ZNF804B: variants seen among roughly 807,000 people sequenced by gnomAD.
ZNF804B encodes the protein zinc finger 804B.
ZNF804B carries 80 observed loss-of-function variants against 101.4 expected under a neutral mutation model. The observed-to-expected ratio is 0.79, with a 90% CI of 0.66 to 0.95. The LOEUF (loss-of-function observed/expected upper bound fraction) is 0.95. ZNF804B is among the 40% of genes least tolerant of loss of function. The probability of loss-of-function intolerance (pLI) is 0.00; values close to 1 mark genes in which losing one functional copy is unlikely to be tolerated. For synonymous variants in ZNF804B, 622 were observed against 558.8 expected (o/e 1.11, Z -1.59); for missense variants, 1,673 against 1,561.9 (o/e 1.07, Z -1.20).
chr7:89,226,467 GTTA>G (rs993769983), intron 2 of ZNF804B, among the ~76,000 whole-genome samples: 5 of 151,938 alleles, frequency 3.3e-5, no homozygotes, highest in East Asian at 3.8e-4. Context: ...ATTCTTAAAA[GTTA>G]TTATTAGATA....
At chr7:88,846,333 C>A (rs560037327) in intron 1 of ZNF804B, among the ~76,000 whole-genome samples, 4 of 152,006 alleles carry the variant, frequency 2.6e-5, no homozygotes, top group Non-Finnish European at 5.9e-5. Context: ...AAAGAATATT[C>A]ATGAAAAAAC....
intron 1 of ZNF804B, among the ~76,000 whole-genome samples, chr7:89,192,273 T>G (rs1788467741): frequency 6.6e-6 from 1 of 151,952 alleles, no homozygotes; most frequent in Non-Finnish European, 1.5e-5. Flanking sequence ...CTTCTCTCTT[T>G]TCACCCCCTT....
intron 1 of ZNF804B, among the ~76,000 whole-genome samples, chr7:88,951,399 C>T (rs932140961): frequency 2.0e-5 from 3 of 151,596 alleles, no homozygotes; most frequent in African/African-American, 7.3e-5. Context: ...TGAATCTTAC[C>T]TGTTACCTGT....
At chr7:88,972,166 A>G (rs1562847769) in intron 1 of ZNF804B, among the ~76,000 whole-genome samples, 1 of 151,472 alleles carries the variant, frequency 6.6e-6, no homozygotes. Context: ...CTAAAAATGG[A>G]ATTTGAATTG....
chr7:89,057,350 A>G (rs1172199631), intron 1 of ZNF804B, among the ~76,000 whole-genome samples: 2 of 152,042 alleles, frequency 1.3e-5, no homozygotes, highest in East Asian at 3.9e-4. Flanking sequence ...AGAAAGTGGC[A>G]TGCAATTCTT....
chr7:88,879,365 A>T (rs972016222), intron 1 of ZNF804B, among the ~76,000 whole-genome samples: 1 of 152,232 alleles, frequency 6.6e-6, no homozygotes, highest in African/African-American at 2.4e-5. Context: ...ATAGAAAGGC[A>T]TATAGTACAT....
At chr7:88,950,512 G>C (rs1793202437) in intron 1 of ZNF804B, among the ~76,000 whole-genome samples, 1 of 151,816 alleles carries the variant, frequency 6.6e-6, no homozygotes, top group African/African-American at 2.4e-5. Flanking sequence ...TCCAGTGGCT[G>C]ATATAGACTG....
rs935607695 is a variant in ZNF804B, at chr7:88,936,635, G to T, written c.108+176551G>T. 4.6e-5 allele frequency among the ~76,000 whole-genome samples: 7 copies of T among 152,076 alleles called. No homozygotes were observed. The East Asian group carries it at 1.4e-3, about 29-fold the overall frequency. ...GAAAGAGACAATGTCTTGTGACAAAGTGTGTCTAGGTGTTGGTTACATTCT... is the reference window on the plus strand; with the variant it reads ...GAAAGAGACAATGTCTTGTGACAAATTGTGTCTAGGTGTTGGTTACATTCT... On this transcript the variant is annotated intron_variant, in intron 1 of 3. Transcript: ENST00000333190.
At chr7:88,783,340 G>C (rs1790256804) in intron 1 of ZNF804B, among the ~76,000 whole-genome samples, 1 of 152,094 alleles carries the variant, frequency 6.6e-6, no homozygotes, top group Admixed American at 6.6e-5. Flanking sequence ...TTCAAGGGGA[G>C]AATGAGAAAG....
In ZNF804B at chr7:88,998,215, G is replaced by T. The variant is rs1391187577; in HGVS notation, c.109-219940G>T. ...TTTGAGCATGTATTATTTTTAATAT[G>T]CTCCCCATCCATATAATCCTGGCTA... On this transcript the variant is annotated intron_variant, in intron 1 of 3. Transcript: ENST00000333190. Among the ~76,000 whole-genome samples the T allele has an allele frequency of 2.6e-5, 4 of 151,886 alleles. No homozygotes were observed. In the South Asian group the frequency reaches 8.3e-4, roughly 32 times the overall value.
rs1156418428 is a variant in ZNF804B at position 89,335,303 on chromosome 7, A to G, written c.2321A>G (p.Gln774Arg). ...YLSDDITKSS[Q>R]MQSEPQKERN... ...TCTGATGATATAACAAAGAGCAGCCAAATGCAGTCTGAACCACAGAAAGAG... is the reference window on the plus strand; with the variant it reads ...TCTGATGATATAACAAAGAGCAGCCGAATGCAGTCTGAACCACAGAAAGAG... The change falls in exon 4 of 4, where the codon CAA becomes CGA. Residue 774 changes from glutamine to arginine, a missense_variant. Gln to Arg is a conservative substitution (Grantham distance 43, BLOSUM62 1). Coordinates refer to ENST00000333190, the MANE Select transcript of ZNF804B (RefSeq NM_181646.5). 1.2e-6 allele frequency: 2 copies of G among 1,613,776 alleles called. No individual in the cohort carries two copies. Among genetic ancestry groups the G allele is most frequent in the East Asian group, 4.5e-5 (2 of 44,856 alleles).
chr7:89,240,041 ATAAT>A (rs769604277), intron 2 of ZNF804B, among the ~76,000 whole-genome samples: 20 of 151,594 alleles, frequency 1.3e-4, no homozygotes, highest in Non-Finnish European at 2.4e-4. Context: ...GGATAAAATA[ATAAT>A]TAATTAATTG....
chr7:88,957,482 A>G (rs1293700241), intron 1 of ZNF804B, among the ~76,000 whole-genome samples: 1 of 151,384 alleles, frequency 6.6e-6, no homozygotes, highest in Non-Finnish European at 1.5e-5. Flanking sequence ...AGTAATCTGT[A>G]TATGTGTGTG....
chr7:89,051,071 A>G (rs896280975), intron 1 of ZNF804B, among the ~76,000 whole-genome samples: 9 of 152,114 alleles, frequency 5.9e-5, no homozygotes, highest in African/African-American at 2.2e-4. Flanking sequence ...ACAATGTTCC[A>G]TAATATAGAT....
At chr7:88,891,782 C>T (rs1792218919) in intron 1 of ZNF804B, among the ~76,000 whole-genome samples, 1 of 151,736 alleles carries the variant, frequency 6.6e-6, no homozygotes, top group Non-Finnish European at 1.5e-5. Context: ...GGTACATGTG[C>T]ACAACGTGCA....
intron 1 of ZNF804B, among the ~76,000 whole-genome samples, chr7:88,963,332 G>A (rs1431319516): frequency 6.6e-6 from 1 of 151,254 alleles, no homozygotes. Flanking sequence ...TACACCCATG[G>A]AATAGAACAG....
intron 1 of ZNF804B, among the ~76,000 whole-genome samples, chr7:88,885,154 T>C (rs1468823622): frequency 6.6e-6 from 1 of 151,958 alleles, no homozygotes. Flanking sequence ...AAAATTCAGT[T>C]TATGTACTAA....
chr7:88,915,625 C>G (rs1178930239), intron 1 of ZNF804B, among the ~76,000 whole-genome samples: 5 of 151,850 alleles, frequency 3.3e-5, no homozygotes, highest in African/African-American at 9.7e-5. Context: ...AAGTTGTACT[C>G]TAAGTGTAGG....
intron 1 of ZNF804B, among the ~76,000 whole-genome samples, chr7:89,010,955 C>G (rs772683210): frequency 8.5e-5 from 13 of 152,098 alleles, no homozygotes; most frequent in Admixed American, 3.3e-4. Context: ...TTGATTGACT[C>G]CAAATAAAAT....
Sources: allele counts gnomAD v4.1 joint callset (sites outside exome capture counted in the v4.1 genomes callset), GRCh38; gene constraint gnomAD v4.1.1; transcripts MANE v1.5; gene names NCBI Gene and HGNC (gene_info 2026-07-23, HGNC 2026-07-21).